The following NEK11 variants were observed in gnomAD, a reference collection of about 807,000 sequenced individuals.
NEK11 encodes the protein serine/threonine-protein kinase Nek11.
In NEK11, 72 loss-of-function variants were observed where a neutral mutation model predicts 80.7. The observed-to-expected ratio is 0.89, with a 90% CI of 0.74 to 1.08. The LOEUF (loss-of-function observed/expected upper bound fraction) is 1.08. Among genes scored for constraint, NEK11 ranks in the 50% least tolerant of loss-of-function variants. The probability of loss-of-function intolerance (pLI) is 0.00; values close to 1 mark genes in which losing one functional copy is unlikely to be tolerated. For synonymous variants in NEK11, 251 were observed against 260.7 expected, an observed-to-expected ratio of 0.96 and a Z score of 0.36; for missense variants, 764 against 763.6, an observed-to-expected ratio of 1.00 and a Z score of -0.01.
chr3:131,155,274 G>A (rs1447822755), intron 10 of NEK11, among the ~76,000 whole-genome samples, 153 bp downstream of exon 10: 1 of 152,180 alleles, frequency 6.6e-6, no homozygotes, highest in Admixed American at 6.5e-5. Context: ...GGAACTTGGT[G>A]TTCCAAAGCC....
intron 5 of NEK11, among the ~76,000 whole-genome samples, chr3:131,114,412 G>A (rs949932395): frequency 1.1e-4 from 17 of 152,216 alleles, no homozygotes; most frequent in African/African-American, 3.9e-4. Flanking sequence ...GCTTACAGCA[G>A]CAATCATTTC....
chr3:131,295,479 A>G (rs533199477), intron 17 of NEK11, among the ~76,000 whole-genome samples: 1 of 152,326 alleles, frequency 6.6e-6, no homozygotes, highest in Non-Finnish European at 1.5e-5. Flanking sequence ...GTACGTTATC[A>G]TGCGAATCAT....
intron 4 of NEK11, chr3:131,088,107 G>A (rs368245363): frequency 1.2e-4 from 19 of 152,278 alleles, no homozygotes; most frequent in East Asian, 7.7e-4. Flanking sequence ...GGGTCCCATC[G>A]GGGCCCTCTG....
intron 14 of NEK11, among the ~76,000 whole-genome samples, chr3:131,193,015 A>G (rs1456753570): frequency 3.9e-5 from 6 of 152,330 alleles, no homozygotes; most frequent in South Asian, 2.1e-4. Flanking sequence ...TTTTGTTTAC[A>G]TGGTTATATC....
At chr3:131,323,462 T>C (rs981664412) in intron 17 of NEK11, among the ~76,000 whole-genome samples, 25 of 150,276 alleles carry the variant, frequency 1.7e-4, no homozygotes, top group African/African-American at 6.3e-4. Context: ...GCCTTCCTGG[T>C]CTCTTTCTAT....
chr3:131,290,745 G>T (rs1424358579), intron 17 of NEK11, among the ~76,000 whole-genome samples: 1 of 152,120 alleles, frequency 6.6e-6, no homozygotes, highest in Non-Finnish European at 1.5e-5. Flanking sequence ...TCAGATAACT[G>T]CCTACTGGAA....
chr3:131,152,335 A>C, intron 7 of NEK11, 53 bp from the exon 8 acceptor site: 1 of 1,512,840 alleles, frequency 6.6e-7, no homozygotes. Context: ...ATGATGAAAA[A>C]ATTTAAAATA....
At chr3:131,311,641 T>G (rs985326662) in intron 17 of NEK11, among the ~76,000 whole-genome samples, 1 of 152,176 alleles carries the variant, frequency 6.6e-6, no homozygotes, top group East Asian at 1.9e-4. Context: ...TATTGCTGAG[T>G]GAATAATGTT....
chr3:131,348,964 A>T (rs999016448), intron 17 of NEK11, among the ~76,000 whole-genome samples: 3 of 151,912 alleles, frequency 2.0e-5, no homozygotes, highest in African/African-American at 7.3e-5. Flanking sequence ...CCTCCTCATT[A>T]TTATTTTGTT....
chr3:131,330,935 G>GA (rs1554018001), intron 17 of NEK11: 2 of 138,072 alleles, frequency 1.4e-5, no homozygotes, highest in African/African-American at 5.3e-5. Flanking sequence ...AAGGGGGGGG[G>GA]GCAAAATCAT....
At chr3:131,291,826 G>T (rs1185773188) in intron 17 of NEK11, among the ~76,000 whole-genome samples, 2 of 152,016 alleles carry the variant, frequency 1.3e-5, no homozygotes, top group Non-Finnish European at 2.9e-5. Flanking sequence ...AGAGTTCTTT[G>T]TATATTTTGC....
chr3:131,096,730 T>C (rs2077489005), intron 4 of NEK11, among the ~76,000 whole-genome samples: 1 of 147,582 alleles, frequency 6.8e-6, no homozygotes, highest in South Asian at 2.1e-4. Context: ...TTTAATTTAA[T>C]TTTATTTTAT....
At chr3:131,211,971 C>T (rs756812314) in intron 14 of NEK11, among the ~76,000 whole-genome samples, 34 of 152,276 alleles carry the variant, frequency 2.2e-4, no homozygotes, top group Middle Eastern at 3.4e-3. Flanking sequence ...TCTGTCAATT[C>T]GTCAAAGTCA....
At chr3:131,049,008 G>A (rs1304405014) in intron 3 of NEK11, among the ~76,000 whole-genome samples, 3 of 152,200 alleles carry the variant, frequency 2.0e-5, no homozygotes, top group Non-Finnish European at 4.4e-5. Context: ...GCCTACGGAA[G>A]ACTTGGTGTC....
chr3:131,073,317 G>C (rs1560270568), intron 3 of NEK11, among the ~76,000 whole-genome samples: 2 of 152,040 alleles, frequency 1.3e-5, no homozygotes, highest in Non-Finnish European at 2.9e-5. Flanking sequence ...ATCCTCTTCT[G>C]CTCCTTAAAA....
intron 17 of NEK11, among the ~76,000 whole-genome samples, chr3:131,315,540 GCTT>G (rs940653531): frequency 2.1e-4 from 31 of 147,094 alleles, no homozygotes; most frequent in Admixed American, 1.2e-3. Flanking sequence ...ATCTTGCCAT[GCTT>G]CTTTTTTTTT....
chr3:131,162,556 G>A (rs1298724012), intron 11 of NEK11, 29 bp downstream of exon 11: 1 of 1,612,616 alleles, frequency 6.2e-7, no homozygotes, highest in East Asian at 2.2e-5. Context: ...AGGCACTCAT[G>A]CTCGGGACTA....
At chr3:131,215,259 AC>A in intron 14 of NEK11, among the ~76,000 whole-genome samples, 1 of 116,478 alleles carries the variant, frequency 8.6e-6, no homozygotes, top group African/African-American at 3.5e-5. Context: ...AACATCACAC[AC>A]CGGGGCCTGT....
chr3:131,287,820 A>G (rs141284812), intron 17 of NEK11, among the ~76,000 whole-genome samples: 1,988 of 152,270 alleles, frequency 0.013, 30 homozygotes, highest in Non-Finnish European at 0.02. Flanking sequence ...GAACGCTATT[A>G]TACCAGTAAT....
Sources: gnomAD v4.1 joint callset for allele counts (sites outside exome capture counted in the v4.1 genomes callset) on GRCh38, gnomAD v4.1.1 for gene constraint, MANE v1.5 for transcripts, NCBI Gene and HGNC (gene_info 2026-07-23, HGNC 2026-07-21) for gene names.